The following ODAD2 variants were observed in gnomAD, a reference collection of about 807,000 sequenced individuals.
ODAD2 encodes outer dynein arm docking complex subunit 2, also known as outer dynein arm-docking complex subunit 2.
In ODAD2, 89 loss-of-function variants were observed where a neutral mutation model predicts 106.8. That is an observed-to-expected ratio of 0.83 (90% confidence interval 0.70 to 0.99). ODAD2 has a LOEUF of 0.99. Among genes scored for constraint, ODAD2 ranks in the 50% least tolerant of loss-of-function variants. The probability of loss-of-function intolerance (pLI) is 0.00; values close to 1 mark genes in which losing one functional copy is unlikely to be tolerated. For missense variants in ODAD2, 1,168 were observed against 1,238.5 expected (o/e 0.94, Z 0.85); for synonymous variants, 404 against 436.2 (o/e 0.93, Z 0.92).
chr10:27,960,704 C>A (rs1848076935), intron 10 of ODAD2, among the ~76,000 whole-genome samples: 1 of 151,972 alleles, frequency 6.6e-6, no homozygotes, highest in Non-Finnish European at 1.5e-5. Flanking sequence ...TTATGGGGTA[C>A]AATGTGATAT....
intron 16 of ODAD2, among the ~76,000 whole-genome samples, chr10:27,931,688 T>A (rs566957203): frequency 1.3e-5 from 2 of 150,878 alleles, no homozygotes; most frequent in East Asian, 3.9e-4. Flanking sequence ...GTTATATTAA[T>A]GAGAATTTAA....
intron 17 of ODAD2, among the ~76,000 whole-genome samples, chr10:27,870,236 C>T (rs561881357): frequency 2.0e-5 from 3 of 152,188 alleles, no homozygotes; most frequent in African/African-American, 7.2e-5. Flanking sequence ...TTTTCTCTCC[C>T]AATCTCAATC....
At chr10:27,897,229 C>G (rs1842917704) in intron 17 of ODAD2, among the ~76,000 whole-genome samples, 1 of 151,990 alleles carries the variant, frequency 6.6e-6, no homozygotes, top group Non-Finnish European at 1.5e-5. Context: ...AGTCCTTCTC[C>G]CTTCCACCTA....
chr10:27,907,478 G>C (rs1253232489), intron 17 of ODAD2, among the ~76,000 whole-genome samples, 185 bp downstream of exon 17: 1 of 150,946 alleles, frequency 6.6e-6, no homozygotes, highest in East Asian at 1.9e-4. Context: ...GTTTTGCTTT[G>C]CATTTTAAAA....
intron 17 of ODAD2, among the ~76,000 whole-genome samples, chr10:27,899,631 G>C (rs924176237): frequency 6.6e-6 from 1 of 152,118 alleles, no homozygotes; most frequent in African/African-American, 2.4e-5. Flanking sequence ...TGGTGGGGGA[G>C]GGGAGTCTGC....
intron 19 of ODAD2, among the ~76,000 whole-genome samples, chr10:27,836,410 A>C (rs1321406690): frequency 1.3e-5 from 2 of 152,200 alleles, no homozygotes; most frequent in African/African-American, 4.8e-5. Context: ...TTACGTCATT[A>C]AATAAAAAAG....
intron 16 of ODAD2, among the ~76,000 whole-genome samples, chr10:27,908,913 A>G (rs1843787578): frequency 6.6e-6 from 1 of 152,214 alleles, no homozygotes; most frequent in Non-Finnish European, 1.5e-5. Context: ...ACTTCTAATA[A>G]GAAAAAATAC....
chr10:27,985,642 T>C (rs1564579176), intron 3 of ODAD2, among the ~76,000 whole-genome samples: 1 of 152,152 alleles, frequency 6.6e-6, no homozygotes. Context: ...TGGGTATTTA[T>C]AAAGGCTTTC....
chr10:27,829,241 TCTTCGATGTCAAATAAATAGCTTTC>T (rs1390189756), intron 19 of ODAD2, among the ~76,000 whole-genome samples: 1 of 152,218 alleles, frequency 6.6e-6, no homozygotes, highest in Non-Finnish European at 1.5e-5. Flanking sequence ...CAATTTTTCT[TCTTCGATGTCAAATAAATAGCTTTC>T]CCTGCTCCTA....
At chr10:27,957,237 G>A (rs1276877837) in intron 10 of ODAD2, 1 of 152,280 alleles carries the variant, frequency 6.6e-6, no homozygotes, top group Non-Finnish European at 1.5e-5. Context: ...TGCAAGAAAA[G>A]TAGGAAAGAA....
At chr10:27,879,121 C>G (rs1261151776) in intron 17 of ODAD2, among the ~76,000 whole-genome samples, 1 of 152,128 alleles carries the variant, frequency 6.6e-6, no homozygotes. Flanking sequence ...TTCTGCTTCT[C>G]TAGCCTGATT....
chr10:27,851,524 C>T (rs754487896), intron 19 of ODAD2, among the ~76,000 whole-genome samples: 2 of 151,288 alleles, frequency 1.3e-5, no homozygotes, highest in African/African-American at 2.4e-5. Flanking sequence ...CCAAATGAAA[C>T]GTCGATAGTA....
chr10:27,948,708 T>C (rs1437668298), intron 10 of ODAD2, among the ~76,000 whole-genome samples: 1 of 151,586 alleles, frequency 6.6e-6, no homozygotes, highest in African/African-American at 2.4e-5. Context: ...CTAAAATTAA[T>C]GCAATTCTTT....
intron 7 of ODAD2, among the ~76,000 whole-genome samples, chr10:27,975,832 C>G (rs1176704301): frequency 6.6e-6 from 1 of 152,006 alleles, no homozygotes; most frequent in African/African-American, 2.4e-5. Flanking sequence ...AATACCAAAA[C>G]CAGACAAAGA....
rs1268264304 is a variant in ODAD2 at position 27,983,943 on chromosome 10, C to T, written c.719G>A (p.Trp240Ter). The T allele has an allele frequency of 2.5e-6, 4 of 1,607,234 alleles. No individual in the cohort carries two copies. The highest frequency in any genetic ancestry group is 2.5e-6 in the Non-Finnish European group (3 of 1,178,620). Residue 240 changes from tryptophan (W) to a stop codon, truncating the protein, a stop_gained, in exon 6 of 20, where the codon TGG becomes TAG. Transcript: ENST00000305242. LOFTEE classifies it high-confidence loss of function. ...EFSNGCRAPPWRQIRGEICYV... is the reference protein window; with the variant it reads ...EFSNGCRAPP ...ACAAATTTCCCCACGAATTTGTCTC[C>T]ACGGTGGGGCTCGACATCCATTTGA... is the stretch of plus-strand genomic sequence containing the variant.
rs188387233 is a variant in ODAD2 at position 27,875,929 on chromosome 10, C to A, written c.2611-13307G>T. ...CGCCTGGCTCGGAGGGTCCCATGCC[C>A]ACAGAGCCTCGCTCATTGCTAGCAC... is the stretch of plus-strand genomic sequence containing the variant. On this transcript the variant is annotated intron_variant, in intron 17 of 19. Transcript: ENST00000305242. Among the ~76,000 whole-genome samples, 430 of 152,288 alleles carry A rather than the reference C, an allele frequency of 2.8e-3. 3 individuals are homozygous for A. The highest frequency in any genetic ancestry group is 4.7e-3 in the Non-Finnish European group (323 of 68,016).
At chr10:27,849,490 T>C (rs192937887) in intron 19 of ODAD2, among the ~76,000 whole-genome samples, 113 of 152,216 alleles carry the variant, frequency 7.4e-4, no homozygotes, top group Admixed American at 1.1e-3. Context: ...GCATGGCACA[T>C]GTACACATAG....
At chr10:27,903,165 AAT>A (rs1436618988) in intron 17 of ODAD2, among the ~76,000 whole-genome samples, 1 of 152,200 alleles carries the variant, frequency 6.6e-6, no homozygotes, top group Non-Finnish European at 1.5e-5. Flanking sequence ...CAATAAACGT[AAT>A]CCATCACATA....
At chr10:27,922,035 G>A (rs1844827382) in intron 16 of ODAD2, among the ~76,000 whole-genome samples, 1 of 150,704 alleles carries the variant, frequency 6.6e-6, no homozygotes, top group Non-Finnish European at 1.5e-5. Context: ...GGCATGGTGG[G>A]ATGTGCCTGT....
Sources: allele counts gnomAD v4.1 joint callset (sites outside exome capture counted in the v4.1 genomes callset), GRCh38; gene constraint gnomAD v4.1.1; transcripts MANE v1.5; gene names NCBI Gene and HGNC (gene_info 2026-07-23, HGNC 2026-07-21).